The following MCC variants were observed in gnomAD, a reference collection of about 807,000 sequenced individuals.
MCC encodes the protein colorectal mutant cancer protein.
MCC carries 90 observed loss-of-function variants against 116.2 expected under a neutral mutation model. That is an observed-to-expected ratio of 0.77 (90% confidence interval 0.65 to 0.92). The LOEUF (loss-of-function observed/expected upper bound fraction) is 0.92. Among genes scored for constraint, MCC ranks in the 40% least tolerant of loss-of-function variants. The pLI is 0.00. For synonymous variants in MCC, 578 were observed against 510.5 expected, an observed-to-expected ratio of 1.13 and a Z score of -1.78; for missense variants, 1,516 against 1,312.2, an observed-to-expected ratio of 1.16 and a Z score of -2.40.
At chr5:113,294,284 C>T (rs1200160118) in intron 3 of MCC, 1 of 1,612,698 alleles carries the variant, frequency 6.2e-7, no homozygotes, top group Non-Finnish European at 8.5e-7. Flanking sequence ...TGTGGAAAAG[C>T]AAACGCCCGA....
intron 1 of MCC, among the ~76,000 whole-genome samples, chr5:113,439,662 T>G (rs575233871): frequency 6.6e-6 from 1 of 152,268 alleles, no homozygotes; most frequent in African/African-American, 2.4e-5. Flanking sequence ...CTGTGGTGGT[T>G]AATCTTATGT....
chr5:113,407,440 TCTGCAAAAA>T (rs920391048), intron 1 of MCC, among the ~76,000 whole-genome samples: 12 of 152,324 alleles, frequency 7.9e-5, no homozygotes, highest in African/African-American at 2.6e-4. Flanking sequence ...TACAACTGCA[TCTGCAAAAA>T]CTGCAAAAAC....
At chr5:113,188,519 G>C (rs1762007466) in intron 3 of MCC, among the ~76,000 whole-genome samples, 1 of 152,140 alleles carries the variant, frequency 6.6e-6, no homozygotes. Flanking sequence ...AAGGCTTTAT[G>C]TTTTCATATT....
At chr5:113,135,869 C>T (rs1241223266) in intron 5 of MCC, among the ~76,000 whole-genome samples, 2 of 152,014 alleles carry the variant, frequency 1.3e-5, no homozygotes, top group African/African-American at 4.8e-5. Flanking sequence ...TATGGTGAAA[C>T]CCCATCTCTA....
intron 3 of MCC, among the ~76,000 whole-genome samples, chr5:113,200,016 G>A (rs1581243434): frequency 6.6e-6 from 1 of 152,138 alleles, no homozygotes; most frequent in East Asian, 1.9e-4. Flanking sequence ...CTAGAATGAT[G>A]GCTCCTAGCT....
chr5:113,424,132 T>TAC (rs547192248), intron 1 of MCC, among the ~76,000 whole-genome samples: 14,103 of 112,474 alleles, frequency 0.13, 1,054 homozygotes, highest in East Asian at 0.16. Context: ...AGTCATCCTC[T>TAC]ACACACACAC....
chr5:113,307,319 C>G (rs1326830901), intron 3 of MCC, among the ~76,000 whole-genome samples: 2 of 152,154 alleles, frequency 1.3e-5, no homozygotes, highest in Non-Finnish European at 2.9e-5. Flanking sequence ...TGCTTTGATT[C>G]TTTTCAATGG....
In MCC at chr5:113,053,830, T is replaced by C; in HGVS notation, c.2343A>G (p.Glu781=). The change falls in exon 15 of 19, where the codon GAA becomes GAG. Residue 781 remains glutamate, a synonymous_variant. Transcript: ENST00000408903. ...AGCTGAGAGGATCGATGTGGATGCT[T>C]TCCAGCTCCAGCATGGTCAGCTTGA... is the stretch of plus-strand genomic sequence containing the variant. ...AAVKLTMLEL[E]SIHIDPLSYD... is the part of the protein sequence containing the mutation. The C allele has an allele frequency of 6.2e-7, 1 of 1,614,156 alleles. No homozygotes were observed. The highest frequency in any genetic ancestry group is 8.5e-7 in the Non-Finnish European group (1 of 1,180,026).
At chr5:113,132,099 G>T (rs1221282069) in intron 5 of MCC, among the ~76,000 whole-genome samples, 6 of 151,638 alleles carry the variant, frequency 4.0e-5, no homozygotes, top group African/African-American at 1.2e-4. Context: ...TTTAAATAAC[G>T]ATTAATTTTT....
At chr5:113,287,025 T>C (rs1766289224) in intron 3 of MCC, among the ~76,000 whole-genome samples, 1 of 117,186 alleles carries the variant, frequency 8.5e-6, no homozygotes, top group Admixed American at 1.2e-4. Context: ...GCTTTTTTCT[T>C]TTTTTCACCC....
At chr5:113,331,144 C>CATAGATTGCATCACCAGCTCTCACATTTG (rs1767687152) in intron 3 of MCC, among the ~76,000 whole-genome samples, 4 of 152,024 alleles carry the variant, frequency 2.6e-5, no homozygotes, top group African/African-American at 7.3e-5. Flanking sequence ...TGGAGAGGTT[C>CATAGATTGCATCACCAGCTCTCACATTTG]TGGGTTCCTG....
chr5:113,176,616 T>C (rs1463196677), intron 3 of MCC, among the ~76,000 whole-genome samples: 1 of 152,024 alleles, frequency 6.6e-6, no homozygotes, highest in African/African-American at 2.4e-5. Flanking sequence ...AAACTCAACT[T>C]CCCTTCTTTC....
At chr5:113,256,811 C>A (rs960214858) in intron 3 of MCC, among the ~76,000 whole-genome samples, 6 of 152,168 alleles carry the variant, frequency 3.9e-5, no homozygotes, top group Non-Finnish European at 7.4e-5. Context: ...GGCCTTCAAA[C>A]CTGGGTTAAT....
At chr5:113,473,926 A>C (rs1244202999) in intron 1 of MCC, among the ~76,000 whole-genome samples, 1 of 152,222 alleles carries the variant, frequency 6.6e-6, no homozygotes, top group Non-Finnish European at 1.5e-5. Flanking sequence ...AAAAGCTGAC[A>C]GAAAAAATCC....
intron 6 of MCC, among the ~76,000 whole-genome samples, chr5:113,119,379 G>C (rs1357449767): frequency 3.3e-5 from 5 of 152,192 alleles, no homozygotes; most frequent in Admixed American, 6.5e-5. Flanking sequence ...GGGAGGGCGG[G>C]GGGCCTTGGT....
At chr5:113,424,135 A>C (rs1165799856) in intron 1 of MCC, among the ~76,000 whole-genome samples, 1 of 68,662 alleles carries the variant, frequency 1.5e-5, no homozygotes, top group Middle Eastern at 8.9e-3. Flanking sequence ...CATCCTCTAC[A>C]CACACACACA....
Position 113,143,327 on chromosome 5 carries a change from C to G in MCC, c.775G>C (p.Asp259His). 1 of 1,613,780 alleles carries G rather than the reference C, an allele frequency of 6.2e-7. No individual in the cohort carries two copies. Among genetic ancestry groups the G allele is most frequent in the Non-Finnish European group, 8.5e-7 (1 of 1,179,944 alleles). Reference protein sequence around the residue: ...EQSHLMREHEDVQERTTLRYE... With the variant: ...EQSHLMREHEHVQERTTLRYE... The stretch of plus-strand genomic sequence containing the variant: ...CGAAGTGTCGTTCGCTCCTGGACAT[C>G]CTCATGCTCTCTCATGAGGTGGGAC... Residue 259 changes from aspartate (D) to histidine (H), a missense_variant, in exon 5 of 19, where the codon GAT (aspartate) becomes CAT (histidine). Transcript: ENST00000408903.
chr5:113,069,159 C>T (rs1045118020), intron 12 of MCC, among the ~76,000 whole-genome samples: 2 of 152,206 alleles, frequency 1.3e-5, no homozygotes, highest in African/African-American at 4.8e-5. Context: ...CCATATTGGG[C>T]AGTGCATGTA....
intron 1 of MCC, among the ~76,000 whole-genome samples, chr5:113,422,694 G>T (rs42462): frequency 9.8e-5 from 15 of 152,294 alleles, no homozygotes; most frequent in Admixed American, 5.9e-4. Context: ...GATGAGCCCA[G>T]TGGAGATGCA....
Sources: gnomAD v4.1 joint callset for allele counts (sites outside exome capture counted in the v4.1 genomes callset) on GRCh38, gnomAD v4.1.1 for gene constraint, MANE v1.5 for transcripts, NCBI Gene and HGNC (gene_info 2026-07-23, HGNC 2026-07-21) for gene names.